Variants in DDHD1 observed in about 807,000 individuals in gnomAD.
DDHD1 encodes phospholipase DDHD1.
Under a neutral mutation model 96.4 loss-of-function variants are expected in DDHD1, and 49 were observed. The observed-to-expected ratio is 0.51, with a 90% CI of 0.40 to 0.64. The LOEUF (loss-of-function observed/expected upper bound fraction) is 0.64, where lower values mean the gene tolerates loss of function less well. Ranked by LOEUF, DDHD1 falls within the 30% of genes least tolerant of loss-of-function variation. The pLI, the probability that DDHD1 is intolerant of heterozygous loss-of-function variation, is 0.00. For missense variants in DDHD1, 1,106 were observed against 1,161.2 expected (o/e 0.95, Z 0.69); for synonymous variants, 442 against 446.5 (o/e 0.99, Z 0.13).
At chr14:53,053,036 T>C (rs569402276) in intron 11 of DDHD1, 1 of 151,744 alleles carries the variant, frequency 6.6e-6, no homozygotes, top group Non-Finnish European at 1.5e-5. Context: ...ATACATACGT[T>C]TTCATTACCC....
At chr14:53,090,352 G>C (rs1421519037) in intron 4 of DDHD1, among the ~76,000 whole-genome samples, 1 of 152,188 alleles carries the variant, frequency 6.6e-6, no homozygotes, top group African/African-American at 2.4e-5. Context: ...AATACCATTT[G>C]ATCCAGCCAT....
chr14:53,065,410 C>G (rs946012552), intron 6 of DDHD1, among the ~76,000 whole-genome samples: 6 of 149,678 alleles, frequency 4.0e-5, no homozygotes, highest in African/African-American at 1.5e-4. Flanking sequence ...ATTTTAAAAG[C>G]TATTAAAAAG....
At chr14:53,103,334 CTT>C (rs1887450249) in intron 2 of DDHD1, 1 of 369,594 alleles carries the variant, frequency 2.7e-6, no homozygotes, top group African/African-American at 2.1e-5. Context: ...ATTAATGAAA[CTT>C]GTCTTGATAT....
At chr14:53,103,255 G>A in intron 2 of DDHD1, 1 of 437,992 alleles carries the variant, frequency 2.3e-6, no homozygotes. Context: ...TTCAATAGGG[G>A]ATAACTAAGA....
intron 1 of DDHD1, among the ~76,000 whole-genome samples, chr14:53,115,900 G>A (rs547147759): frequency 3.9e-5 from 6 of 152,178 alleles, no homozygotes; most frequent in African/African-American, 9.6e-5. Context: ...ATGTACATGG[G>A]CTAACTGCCC....
chr14:53,079,821 G>A (rs549701377), intron 4 of DDHD1, among the ~76,000 whole-genome samples: 31 of 152,218 alleles, frequency 2.0e-4, no homozygotes, highest in Middle Eastern at 6.8e-3. Flanking sequence ...AGTTTCCTAC[G>A]TGATGCTGCA....
At position 53,036,873 on chromosome 14, in the gene DDHD1, A is replaced by G. The variant is rs998972022; in HGVS notation, c.*9895T>C. The G allele has an allele frequency of 1.3e-5, 2 of 152,186 alleles. No homozygotes were observed. Among genetic ancestry groups the G allele is most frequent in the African/African-American group, 4.8e-5 (2 of 41,444 alleles). 9.4% of individuals were successfully genotyped at this position (152,186 alleles called of 1,614,324 possible). On this transcript the variant is annotated 3_prime_UTR_variant, in exon 13 of 13. Transcript: ENST00000673822. ...TGCTGAGGTTTGAGGTACAGATCCC[A>G]TCACCCAGGTAGTGAGCATAGTACC...
At chr14:53,085,699 C>T (rs1256392741) in intron 4 of DDHD1, among the ~76,000 whole-genome samples, 2 of 152,176 alleles carry the variant, frequency 1.3e-5, no homozygotes, top group South Asian at 2.1e-4. Context: ...GGAGAAACTA[C>T]AGCAGAAAAG....
intron 4 of DDHD1, among the ~76,000 whole-genome samples, chr14:53,090,251 T>A (rs539194760): frequency 1.3e-5 from 2 of 152,126 alleles, no homozygotes; most frequent in East Asian, 1.9e-4. Flanking sequence ...TGTGGAGAAA[T>A]AGGAACACTT....
chr14:53,091,140 A>G (rs1230285196), intron 4 of DDHD1, among the ~76,000 whole-genome samples: 3 of 152,174 alleles, frequency 2.0e-5, no homozygotes, highest in African/African-American at 7.2e-5. Flanking sequence ...ACTGGTTGCT[A>G]GCTCAGAGCC....
At chr14:53,096,864 T>C (rs1171464232) in intron 2 of DDHD1, among the ~76,000 whole-genome samples, 2 of 151,938 alleles carry the variant, frequency 1.3e-5, no homozygotes, top group African/African-American at 4.8e-5. Flanking sequence ...TGTAATAAAA[T>C]AATGAAAAAA....
chr14:53,106,425 G>A (rs529051807), intron 1 of DDHD1, among the ~76,000 whole-genome samples: 6 of 152,110 alleles, frequency 3.9e-5, no homozygotes, highest in South Asian at 2.1e-4. Context: ...CTGAGAGGCC[G>A]AGCCAGGTGG....
chr14:53,136,245 G>A (rs780660659), intron 1 of DDHD1, among the ~76,000 whole-genome samples: 1 of 151,998 alleles, frequency 6.6e-6, no homozygotes, highest in Non-Finnish European at 1.5e-5. Flanking sequence ...GACTCAGCCC[G>A]CCTGCACCCA....
At chr14:53,098,738 T>G (rs1258442926) in intron 2 of DDHD1, among the ~76,000 whole-genome samples, 1 of 152,098 alleles carries the variant, frequency 6.6e-6, no homozygotes, top group Non-Finnish European at 1.5e-5. Context: ...GGGGTATATT[T>G]ATTCAGCTAC....
intron 1 of DDHD1, among the ~76,000 whole-genome samples, chr14:53,132,003 G>C (rs1889899367): frequency 6.6e-6 from 1 of 152,104 alleles, no homozygotes; most frequent in African/African-American, 2.4e-5. Flanking sequence ...GGCATGGTTA[G>C]GTACTTTCGC....
chr14:53,092,143 G>A, intron 3 of DDHD1: 1 of 362,768 alleles, frequency 2.8e-6, no homozygotes, highest in Non-Finnish European at 4.9e-6. Context: ...ACCATAAAGA[G>A]AAAGAAATGG....
In DDHD1 at chr14:53,073,755, AGTT is replaced by A; in HGVS notation, c.1379_1381del (p.Lys460_Leu461delinsIle). On this transcript the variant is annotated inframe_deletion, in exon 5 of 13. Coordinates refer to ENST00000673822, the MANE Select transcript of DDHD1 (RefSeq NM_001160148.2). ...AATAAATATACCTCCATCAAGAGTA[AGTT>A]TTGACCGCCACTCAACAGGCAGAAA... 2.5e-6 allele frequency: 4 copies of A among 1,607,906 alleles called. No homozygotes were observed. The highest frequency in any genetic ancestry group is 3.4e-6 in the Non-Finnish European group (4 of 1,176,654).
chr14:53,073,692 G>A (rs750083720), intron 5 of DDHD1, 49 bp downstream of exon 5: 1 of 1,478,258 alleles, frequency 6.8e-7, no homozygotes. Flanking sequence ...CATTTATTTT[G>A]GTAAAAGTTT....
At chr14:53,066,143 C>CTGT (rs539619851) in intron 6 of DDHD1, among the ~76,000 whole-genome samples, 320 of 152,080 alleles carry the variant, frequency 2.1e-3, no homozygotes, top group African/African-American at 7.5e-3. Flanking sequence ...TGGCAGGTTT[C>CTGT]TGTTGTTGTT....
Sources: allele counts gnomAD v4.1 joint callset (sites outside exome capture counted in the v4.1 genomes callset), GRCh38; gene constraint gnomAD v4.1.1; transcripts MANE v1.5; gene names NCBI Gene and HGNC (gene_info 2026-07-23, HGNC 2026-07-21).